The following TTF2 variants were observed in gnomAD, a reference collection of about 807,000 sequenced individuals.
TTF2 encodes transcription termination factor 2, also known as RNA polymerase II termination factor.
Under a neutral mutation model 142.4 loss-of-function variants are expected in TTF2, and 108 were observed. That is an observed-to-expected ratio of 0.76 (90% CI 0.65 to 0.89). The LOEUF (loss-of-function observed/expected upper bound fraction) is 0.89, where lower values mean the gene tolerates loss of function less well. Ranked by LOEUF, TTF2 falls within the 40% of genes least tolerant of loss-of-function variation. The pLI is 0.00. For missense variants in TTF2, 1,327 were observed against 1,379.8 expected (o/e 0.96, Z 0.61); for synonymous variants, 483 against 506.2 (o/e 0.95, Z 0.61).
Position 117,090,938 on chromosome 1 carries a change from G to A in TTF2, c.2588+315G>A, listed in dbSNP as rs1025472780. 7.9e-5 allele frequency among the ~76,000 whole-genome samples: 12 copies of A among 152,024 alleles called. No individual in the cohort carries two copies. The highest frequency in any genetic ancestry group is 2.7e-4 in the African/African-American group (11 of 41,382). On this transcript the variant is annotated intron_variant, in intron 15 of 22. Transcript: ENST00000369466. The surrounding 1 kb of genome is among the most constrained non-coding windows in gnomAD (Gnocchi z 4.8). Reference sequence around the variant, plus strand: ...CTGTACTGAATAATAATATCTCTTTGACATTTGACCTGTCATCCAGCATCT... The same window carrying A: ...CTGTACTGAATAATAATATCTCTTTAACATTTGACCTGTCATCCAGCATCT...
Position 117,088,793 on chromosome 1 carries a change from T to C in TTF2, c.2161-8T>C, listed in dbSNP as rs780574312. The C allele has an allele frequency of 2.5e-6, 4 of 1,611,276 alleles. No individual in the cohort carries two copies. Among genetic ancestry groups the C allele is most frequent in the Non-Finnish European group, 3.4e-6 (4 of 1,178,854 alleles). On this transcript the variant is annotated splice_region_variant and splice_polypyrimidine_tract_variant and intron_variant, in intron 12 of 22. Transcript: ENST00000369466. ...ATTGTGGCTGGATTTCACTTGTGAT[T>C]CTTCCAGGGCACCTCAACACCTTTG... is the stretch of plus-strand genomic sequence containing the variant.
At chr1:117,077,751 C>T (rs1351317219) in intron 7 of TTF2, among the ~76,000 whole-genome samples, 165 bp from the exon 8 acceptor site, 2 of 152,126 alleles carry the variant, frequency 1.3e-5, no homozygotes, top group African/African-American at 4.8e-5. Flanking sequence ...AAGCAAAAGC[C>T]ACTTGTTTCC....
chr1:117,064,623 T>C (rs1378357551), intron 3 of TTF2, among the ~76,000 whole-genome samples: 1 of 152,160 alleles, frequency 6.6e-6, no homozygotes, highest in East Asian at 1.9e-4. Flanking sequence ...GTTCAAGCAA[T>C]TCTTATGCCT....
chr1:117,081,808 A>G lies in TTF2; in HGVS notation c.1784-20A>G, dbSNP rs1312330279. 6.2e-7 allele frequency: 1 copy of G among 1,609,462 alleles called. No individual in the cohort carries two copies. Among genetic ancestry groups the G allele is most frequent in the East Asian group, 2.2e-5 (1 of 44,836 alleles). ...TTGCCCTAAGCAATTAACTCTCTTA[A>G]TTTTGCTTTTATTTTCTAGCAGATG... is the stretch of plus-strand genomic sequence containing the variant. On this transcript the variant is annotated intron_variant, in intron 9 of 22. Coordinates refer to ENST00000369466, the MANE Select transcript of TTF2 (RefSeq NM_003594.4).
Position 117,092,062 on chromosome 1 carries a change from G to T in TTF2, c.2805+112G>T. ...AGTCTGCTTGATCAAAGGAAATGCT[G>T]TTTCGGTTTTTCTATTTTTGTTTTT... is the stretch of plus-strand genomic sequence containing the variant. On this transcript the variant is annotated intron_variant, in intron 17 of 22. Transcript: ENST00000369466. The surrounding 1 kb of genome is among the most constrained non-coding windows in gnomAD (Gnocchi z 4.4). 1.6e-6 allele frequency: 2 copies of T among 1,222,766 alleles called. No individual in the cohort carries two copies. The highest frequency in any genetic ancestry group is 1.5e-5 in the African/African-American group (1 of 65,194). The allele number at this position is 1,222,766 out of a possible 1,614,324, so 75.7% of individuals were successfully genotyped here. A position where few individuals can be genotyped will look rare whatever the true frequency, so the allele number is the denominator to read the frequency against.
At chr1:117,062,837 T>C (rs1655797074) in intron 3 of TTF2, among the ~76,000 whole-genome samples, 2 of 152,194 alleles carry the variant, frequency 1.3e-5, no homozygotes, top group South Asian at 4.1e-4. Flanking sequence ...TAGTCCTCAA[T>C]AAATGTTAGT....
At chr1:117,061,488 G>A (rs1655684638) in intron 2 of TTF2, among the ~76,000 whole-genome samples, 1 of 152,148 alleles carries the variant, frequency 6.6e-6, no homozygotes, top group Non-Finnish European at 1.5e-5. Context: ...ATTTTTCTCC[G>A]TGTCAGATGT....
In TTF2 at chr1:117,086,441, C is replaced by T. The variant is rs368317676; in HGVS notation, c.2079C>T (p.Ile693=). Residue 693 remains isoleucine (I), a synonymous_variant, in exon 12 of 23, where the codon ATC becomes ATT. Coordinates refer to ENST00000369466, the MANE Select transcript of TTF2 (RefSeq NM_003594.4). The surrounding 1 kb of genome is among the most constrained non-coding windows in gnomAD (Gnocchi z 4.2). ...GCCTCTCTACATATGACATCGTGAT[C>T]ACTACCTATAGCCTCGTGGCCAAGG... ...ARVLSTYDIV[I]TTYSLVAKEI... 1.4e-5 allele frequency: 23 copies of T among 1,613,900 alleles called. No homozygotes were observed. The highest frequency in any genetic ancestry group is 1.9e-5 in the Non-Finnish European group (22 of 1,179,918).
At position 117,101,708 on chromosome 1, in the gene TTF2, ATTAG is replaced by A; in HGVS notation, c.*188_*191del. The A allele has an allele frequency of 5.9e-6, 3 of 505,148 alleles. No homozygotes were observed. Among genetic ancestry groups the A allele is most frequent in the Non-Finnish European group, 9.8e-6 (3 of 306,224 alleles). The allele number at this position is 505,148 out of a possible 1,614,324, so 31.3% of individuals were successfully genotyped here. A position where few individuals can be genotyped will look rare whatever the true frequency, so the allele number is the denominator to read the frequency against. On this transcript the variant is annotated 3_prime_UTR_variant, in exon 23 of 23. Coordinates refer to ENST00000369466, the MANE Select transcript of TTF2 (RefSeq NM_003594.4). The surrounding 1 kb of genome is among the most constrained non-coding windows in gnomAD (Gnocchi z 5.9). Reference sequence around the variant, plus strand: ...AATTGAGGAGGGGTTGTGTTAACCAATTAGTTAACCAATTATGTTAATAATTTAT... The same window carrying A: ...AATTGAGGAGGGGTTGTGTTAACCAATTAACCAATTATGTTAATAATTTAT...
intron 3 of TTF2, among the ~76,000 whole-genome samples, chr1:117,067,089 G>A (rs1337944669): frequency 1.3e-5 from 2 of 152,186 alleles, no homozygotes; most frequent in African/African-American, 4.8e-5. Context: ...AGAATTTTGA[G>A]AACTTGCTGT....
Position 117,076,182 on chromosome 1 carries a change from C to G in TTF2, c.1278C>G (p.Ser426Arg). Residue 426 changes from serine (S) to arginine (R), a missense_variant and splice_region_variant, in exon 6 of 23, where the codon AGC becomes AGG. Physicochemically the swap from Ser to Arg is moderately radical, Grantham distance 110 (BLOSUM62 -1). Transcript: ENST00000369466. The surrounding 1 kb of genome is among the most constrained non-coding windows in gnomAD (Gnocchi z 4.6). ...YLTTQLKQKK[S>R]TLASVNIQAL... Reference sequence around the variant, plus strand: ...ATTTGATGGAATCTGTTTTTCAGAGCACACTGGCATCAGTGAACATCCAGG... The same window carrying G: ...ATTTGATGGAATCTGTTTTTCAGAGGACACTGGCATCAGTGAACATCCAGG... 6.2e-7 allele frequency: 1 copy of G among 1,613,248 alleles called. No homozygotes were observed. Among genetic ancestry groups the G allele is most frequent in the Non-Finnish European group, 8.5e-7 (1 of 1,179,410 alleles).
In TTF2 at chr1:117,092,593, G is replaced by C. The variant is rs1181080922; in HGVS notation, c.2806-138G>C. 1.2e-6 allele frequency: 1 copy of C among 854,098 alleles called. No homozygotes were observed. The highest frequency in any genetic ancestry group is 1.7e-6 in the Non-Finnish European group (1 of 577,942). The allele number at this position is 854,098 out of a possible 1,614,324, so 52.9% of individuals were successfully genotyped here. Reference sequence around the variant, plus strand: ...ACTTGCAAGATCACACTTTAATCAAGGTGTCTTGAGGAGTTACTGATGACA... The same window carrying C: ...ACTTGCAAGATCACACTTTAATCAACGTGTCTTGAGGAGTTACTGATGACA... On this transcript the variant is annotated intron_variant, in intron 17 of 22. Coordinates refer to ENST00000369466, the MANE Select transcript of TTF2 (RefSeq NM_003594.4). This position sits in a 1 kb window ranked among gnomAD's most constrained non-coding sequence, Gnocchi z 4.4.
chr1:117,090,322 C>A lies in TTF2; in HGVS notation c.2496+114C>A. The A allele has an allele frequency of 6.9e-7, 1 of 1,444,554 alleles. No individual in the cohort carries two copies. Among genetic ancestry groups the A allele is most frequent in the East Asian group, 2.3e-5 (1 of 43,928 alleles). The allele number at this position is 1,444,554 out of a possible 1,614,324, so 89.5% of individuals were successfully genotyped here. On this transcript the variant is annotated intron_variant, in intron 14 of 22. Transcript: ENST00000369466. This position sits in a 1 kb window ranked among gnomAD's most constrained non-coding sequence, Gnocchi z 4.8. ...TTCAGGAGCCTCTGAGTTTCCCATC[C>A]TCCTGTGAGGAGGCCCCAGGGTTGC...
chr1:117,060,685 C>T (rs978664890), intron 2 of TTF2, 128 bp downstream of exon 2: 1 of 859,408 alleles, frequency 1.2e-6, no homozygotes, highest in African/African-American at 1.7e-5. Flanking sequence ...TGTCAGGACC[C>T]TTTAAGCAAT....
At position 117,086,026 on chromosome 1, in the gene TTF2, A is replaced by C. The variant is rs1326650704; in HGVS notation, c.2055-391A>C. Among the ~76,000 whole-genome samples the C allele has an allele frequency of 6.6e-6, 1 of 152,204 alleles. No homozygotes were observed. Among genetic ancestry groups the C allele is most frequent in the Non-Finnish European group, 1.5e-5 (1 of 68,036 alleles). On this transcript the variant is annotated intron_variant, in intron 11 of 22. Coordinates refer to ENST00000369466, the MANE Select transcript of TTF2 (RefSeq NM_003594.4). This position sits in a 1 kb window ranked among gnomAD's most constrained non-coding sequence, Gnocchi z 4.2. The stretch of plus-strand genomic sequence containing the variant: ...GTCATCCATCTCAAATCATTATTAA[A>C]TGTTAATTCCCAACTCTATCCTACT...
At chr1:117,065,480 C>T (rs897753731) in intron 3 of TTF2, among the ~76,000 whole-genome samples, 1 of 152,114 alleles carries the variant, frequency 6.6e-6, no homozygotes, top group Non-Finnish European at 1.5e-5. Context: ...CGCCTGTAGT[C>T]CCAGCTACTC....
At position 117,068,641 on chromosome 1, in the gene TTF2, AC is replaced by A. The variant is rs145404518; in HGVS notation, c.219-5019del. Among the ~76,000 whole-genome samples the A allele has an allele frequency of 7.4e-3, 1,129 of 152,218 alleles. 13 individuals carry two copies. The highest frequency in any genetic ancestry group is 0.027 in the Middle Eastern group (8 of 292). On this transcript the variant is annotated intron_variant, in intron 3 of 22. Coordinates refer to ENST00000369466, the MANE Select transcript of TTF2 (RefSeq NM_003594.4). ...TACTTTTAATAACCCTTGAAACTTC[AC>A]ATGTCTAGAAAACTCCTCGTGTTGT... is the stretch of plus-strand genomic sequence containing the variant.
chr1:117,074,040 G>A lies in TTF2; in HGVS notation c.285+313G>A, dbSNP rs541506326. 1.3e-5 allele frequency among the ~76,000 whole-genome samples: 2 copies of A among 152,240 alleles called. 1 individual carries two copies. Among genetic ancestry groups the A allele is most frequent in the South Asian group, 4.1e-4 (2 of 4,828 alleles). On this transcript the variant is annotated intron_variant, in intron 4 of 22. Transcript: ENST00000369466. Reference sequence around the variant, plus strand: ...CTAACTCTTGTATCTTTTTATAGAGGAATTTCTACTTGATACTGGTATAAG... The same window carrying A: ...CTAACTCTTGTATCTTTTTATAGAGAAATTTCTACTTGATACTGGTATAAG...
At position 117,097,213 on chromosome 1, in the gene TTF2, A is replaced by C; in HGVS notation, c.3187-138A>C. On this transcript the variant is annotated intron_variant, in intron 20 of 22. Coordinates refer to ENST00000369466, the MANE Select transcript of TTF2 (RefSeq NM_003594.4). This position sits in a 1 kb window ranked among gnomAD's most constrained non-coding sequence, Gnocchi z 4.1. ...GAGATAGCATTATAATGTTAAAAAAAAAAACAATTTATAACAGCAGAAGGA... is the reference window on the plus strand; with the variant it reads ...GAGATAGCATTATAATGTTAAAAAACAAAACAATTTATAACAGCAGAAGGA... 1.3e-6 allele frequency: 1 copy of C among 745,552 alleles called. No homozygotes were observed. The highest frequency in any genetic ancestry group is 2.3e-6 in the Non-Finnish European group (1 of 443,022). 46.2% of individuals were successfully genotyped at this position (745,552 alleles called of 1,614,324 possible).
Sources: allele counts gnomAD v4.1 joint callset (sites outside exome capture counted in the v4.1 genomes callset), GRCh38; gene constraint gnomAD v4.1.1; non-coding constraint Gnocchi (gnomAD v3.1); transcripts MANE v1.5; gene names NCBI Gene and HGNC (gene_info 2026-07-23, HGNC 2026-07-21).